The following CFAP77 variants were observed in gnomAD, a reference collection of about 807,000 sequenced individuals.
The protein encoded by CFAP77 is cilia and flagella associated protein 77.
In CFAP77, 25 loss-of-function variants were observed where a neutral mutation model predicts 31.1. The observed-to-expected ratio is 0.80, with a 90% CI of 0.59 to 1.12. The LOEUF (loss-of-function observed/expected upper bound fraction) is 1.12. Ranked by LOEUF, CFAP77 falls within the 50% of genes most tolerant of loss-of-function variation. The pLI is 0.00. For missense variants in CFAP77, 377 were observed against 397.3 expected (o/e 0.95, Z 0.44); for synonymous variants, 151 against 159.9 (o/e 0.94, Z 0.42).
chr9:132,502,566 G>A (rs556015980), intron 3 of CFAP77, among the ~76,000 whole-genome samples: 3 of 152,090 alleles, frequency 2.0e-5, no homozygotes, highest in South Asian at 4.2e-4. Context: ...TCATATGCAC[G>A]GAATCATACA....
intron 1 of CFAP77, among the ~76,000 whole-genome samples, chr9:132,472,120 CAT>C (rs1851270797): frequency 1.3e-5 from 2 of 152,112 alleles, no homozygotes; most frequent in East Asian, 3.9e-4. Context: ...CCCACCACCA[CAT>C]GTTTTCTCCT....
At position 132,542,965 on chromosome 9, in the gene CFAP77, A is replaced by G. The variant is rs1420640715; in HGVS notation, c.650A>G (p.Tyr217Cys). 5.0e-6 allele frequency: 8 copies of G among 1,614,122 alleles called. No homozygotes were observed. The highest frequency in any genetic ancestry group is 1.6e-4 in the Middle Eastern group (1 of 6,062). Residue 217 changes from tyrosine (Y) to cysteine (C), a missense_variant, in exon 5 of 6, where the codon TAT becomes TGT. Physicochemically the swap from Tyr to Cys is radical, Grantham distance 194 (BLOSUM62 -2). Coordinates refer to ENST00000393216, the MANE Select transcript of CFAP77 (RefSeq NM_001282957.2). ...CTACAGGTGGTCCTTGGGAAGCTGT[A>G]TGAGACCCGGAGCAGTCAGCTGAGG... ...KKQKVVLGKL[Y>C]ETRSSQLRKY...
chr9:132,479,432 G>A (rs1444158365), intron 1 of CFAP77, among the ~76,000 whole-genome samples: 1 of 152,210 alleles, frequency 6.6e-6, no homozygotes, highest in Non-Finnish European at 1.5e-5. Context: ...GACACAGCTG[G>A]GTGGGTGCAT....
intron 3 of CFAP77, among the ~76,000 whole-genome samples, chr9:132,530,487 C>A (rs551368972): frequency 1.3e-5 from 2 of 152,242 alleles, no homozygotes; most frequent in Non-Finnish European, 2.9e-5. Context: ...GTTGGCCAGG[C>A]TGGTCTCGAA....
intron 1 of CFAP77, chr9:132,482,335 C>T (rs1469193317): frequency 1.2e-6 from 2 of 1,613,680 alleles, no homozygotes; most frequent in Non-Finnish European, 1.7e-6. Flanking sequence ...TCGGTGGGAA[C>T]CTCTTATTCT....
chr9:132,438,518 G>GTTATATATATATATATATATATATAT lies in CFAP77; in HGVS notation c.195+28052_195+28053insTTATATATATATATATATATATATAT, dbSNP rs1334397510. On this transcript the variant is annotated intron_variant, in intron 1 of 5. Transcript: ENST00000393216. ...CTCCTTTATTTGGGGGAACAGATAT[G>GTTATATATATATATATATATATATAT]GTATATATATATATATATATATATT... Among the ~76,000 whole-genome samples, 18 of 111,186 alleles carry GTTATATATATATATATATATATATAT rather than the reference G, an allele frequency of 1.6e-4. 1 individual carries two copies. The highest frequency in any genetic ancestry group is 1.9e-4 in the African/African-American group (5 of 26,006). 72.9% of individuals were successfully genotyped at this position (111,186 alleles called of 152,430 possible).
In CFAP77 at chr9:132,415,722, C is replaced by A. The variant is rs953711686; in HGVS notation, c.195+5256C>A. 2.0e-5 allele frequency among the ~76,000 whole-genome samples: 3 copies of A among 152,252 alleles called. No homozygotes were observed. The East Asian group carries it at 5.8e-4, about 29-fold the overall frequency. ...GTTGCTCACTGTATAATTCTGCCTGCTTGTTCCTTATTTTGAAAGACAAAG... is the reference window on the plus strand; with the variant it reads ...GTTGCTCACTGTATAATTCTGCCTGATTGTTCCTTATTTTGAAAGACAAAG... On this transcript the variant is annotated intron_variant, in intron 1 of 5. Coordinates refer to ENST00000393216, the MANE Select transcript of CFAP77 (RefSeq NM_001282957.2).
At chr9:132,553,996 C>T (rs1193383269) in intron 5 of CFAP77, among the ~76,000 whole-genome samples, 2 of 152,194 alleles carry the variant, frequency 1.3e-5, no homozygotes, top group Non-Finnish European at 2.9e-5. Flanking sequence ...GTCTTCAATG[C>T]CTACACTGTG....
intron 1 of CFAP77, among the ~76,000 whole-genome samples, chr9:132,442,780 G>A (rs924166431): frequency 7.9e-5 from 12 of 151,608 alleles, no homozygotes; most frequent in Non-Finnish European, 1.3e-4. Context: ...GGGCTCAAGC[G>A]ATCCTCCCAC....
At chr9:132,486,732 T>G (rs1851565873) in intron 1 of CFAP77, among the ~76,000 whole-genome samples, 1 of 152,194 alleles carries the variant, frequency 6.6e-6, no homozygotes, top group African/African-American at 2.4e-5. Flanking sequence ...CTCGCTGCCT[T>G]CTCCGAGTGT....
Position 132,545,062 on chromosome 9 carries a change from C to G in CFAP77, c.732+2015C>G, listed in dbSNP as rs1055133342. Among the ~76,000 whole-genome samples the G allele has an allele frequency of 3.3e-5, 5 of 152,318 alleles. No individual in the cohort carries two copies. Among genetic ancestry groups the G allele is most frequent in the Admixed American group, 1.3e-4 (2 of 15,302 alleles). Reference sequence around the variant, plus strand: ...ACCTGTGCTGGGAGCTCCGGTCTGTCTCACTCACCTGTGTCCCACGGCGCC... The same window carrying G: ...ACCTGTGCTGGGAGCTCCGGTCTGTGTCACTCACCTGTGTCCCACGGCGCC... On this transcript the variant is annotated intron_variant, in intron 5 of 5. Transcript: ENST00000393216. The surrounding 1 kb of genome is among the most constrained non-coding windows in gnomAD (Gnocchi z 4.6).
chr9:132,536,452 G>A (rs1852546610), intron 3 of CFAP77, among the ~76,000 whole-genome samples: 1 of 145,714 alleles, frequency 6.9e-6, no homozygotes, highest in South Asian at 2.2e-4. Context: ...GGAGTGCAGT[G>A]ACGTGATCTT....
In CFAP77 at chr9:132,524,932, G is replaced by A. The variant is rs571207613; in HGVS notation, c.525-12669G>A. ...CAAAGTGCTGGGATTACAGGCGTGAGCCACTGTACCCGGCCGACACACCCC... is the reference window on the plus strand; with the variant it reads ...CAAAGTGCTGGGATTACAGGCGTGAACCACTGTACCCGGCCGACACACCCC... On this transcript the variant is annotated intron_variant, in intron 3 of 5. Coordinates refer to ENST00000393216, the MANE Select transcript of CFAP77 (RefSeq NM_001282957.2). 2.0e-5 allele frequency among the ~76,000 whole-genome samples: 3 copies of A among 149,350 alleles called. 1 individual carries two copies. The highest frequency in any genetic ancestry group is 4.9e-5 in the African/African-American group (2 of 41,074).
At chr9:132,502,302 CTTTA>C (rs1459261775) in intron 3 of CFAP77, among the ~76,000 whole-genome samples, 3 of 147,262 alleles carry the variant, frequency 2.0e-5, no homozygotes, top group African/African-American at 7.5e-5. Context: ...GTAGTTCCTT[CTTTA>C]TTTTTTATTT....
intron 3 of CFAP77, among the ~76,000 whole-genome samples, chr9:132,510,779 A>G (rs899317185): frequency 1.6e-4 from 24 of 152,178 alleles, no homozygotes. Flanking sequence ...TGTTCAAGCT[A>G]GAAACCGCTG....
At chr9:132,569,740 T>C (rs1054328547) in intron 5 of CFAP77, among the ~76,000 whole-genome samples, 2 of 128,234 alleles carry the variant, frequency 1.6e-5, no homozygotes, top group Non-Finnish European at 3.7e-5. Context: ...TTTTTTTTTT[T>C]TTTTTTTTTT....
At chr9:132,551,942 C>A (rs1438767833) in intron 5 of CFAP77, among the ~76,000 whole-genome samples, 1 of 152,208 alleles carries the variant, frequency 6.6e-6, no homozygotes, top group African/African-American at 2.4e-5. Flanking sequence ...CCTGCTCCGG[C>A]TGATTTAAGC....
intron 4 of CFAP77, among the ~76,000 whole-genome samples, chr9:132,542,389 T>A (rs1852659291): frequency 6.6e-6 from 1 of 152,192 alleles, no homozygotes; most frequent in Admixed American, 6.5e-5. Flanking sequence ...CACCTGTCAG[T>A]GGGCACAGGC....
chr9:132,470,199 C>T (rs75545242), intron 1 of CFAP77, among the ~76,000 whole-genome samples: 2,097 of 152,298 alleles, frequency 0.014, 86 homozygotes, highest in East Asian at 0.11. Flanking sequence ...GCAGCAATGA[C>T]AGTCGCAACA....
Sources: allele counts gnomAD v4.1 joint callset (sites outside exome capture counted in the v4.1 genomes callset), GRCh38; gene constraint gnomAD v4.1.1; non-coding constraint Gnocchi (gnomAD v3.1); transcripts MANE v1.5; gene names NCBI Gene and HGNC (gene_info 2026-07-23, HGNC 2026-07-21).